The following PLB1 variants were observed in gnomAD, a reference collection of about 807,000 sequenced individuals.
PLB1 encodes phospholipase B1.
PLB1 carries 242 observed loss-of-function variants against 227.4 expected under a neutral mutation model. The observed-to-expected ratio is 1.06, with a 90% CI of 0.96 to 1.18. The LOEUF (loss-of-function observed/expected upper bound fraction) is 1.18. PLB1 is among the 50% of genes most tolerant of loss of function. The pLI is 0.00. For missense variants in PLB1, 1,858 were observed against 1,816.3 expected (o/e 1.02, Z -0.42); for synonymous variants, 757 against 682.2 (o/e 1.11, Z -1.71).
intron 17 of PLB1, among the ~76,000 whole-genome samples, chr2:28,554,976 A>G (rs751510807): frequency 2.4e-4 from 36 of 152,090 alleles, no homozygotes; most frequent in Non-Finnish European, 4.7e-4. Flanking sequence ...CGATCTGACC[A>G]AGGTGAGCAT....
At chr2:28,589,984 T>C (rs752431512) in intron 28 of PLB1, 21 bp from the exon 29 acceptor site, 2 of 1,608,134 alleles carry the variant, frequency 1.2e-6, no homozygotes, top group African/African-American at 2.7e-5. Flanking sequence ...TCACTCCCCA[T>C]CTCCCTGCTT....
At chr2:28,619,510 A>G (rs555352236) in intron 46 of PLB1, among the ~76,000 whole-genome samples, 2 of 143,858 alleles carry the variant, frequency 1.4e-5, no homozygotes, top group South Asian at 4.4e-4. Flanking sequence ...TACTTTTGTA[A>G]ATTTCAAGGT....
At chr2:28,529,235 A>T in intron 6 of PLB1, 82 bp from the exon 7 acceptor site, 2 of 926,904 alleles carry the variant, frequency 2.2e-6, no homozygotes, top group Non-Finnish European at 3.5e-6. Flanking sequence ...ATGAGCCACC[A>T]CTCCTGGCAG....
intron 20 of PLB1, among the ~76,000 whole-genome samples, chr2:28,572,395 C>T (rs1459562206): frequency 6.6e-6 from 1 of 152,148 alleles, no homozygotes. Flanking sequence ...AGAGTTTAAC[C>T]TTTTCCACTC....
At chr2:28,561,422 G>C (rs1380495386) in intron 17 of PLB1, among the ~76,000 whole-genome samples, 1 of 152,134 alleles carries the variant, frequency 6.6e-6, no homozygotes, top group Non-Finnish European at 1.5e-5. Flanking sequence ...CCACTCTCAG[G>C]TGTATACCAA....
chr2:28,517,186 G>T (rs1388008929), intron 2 of PLB1, among the ~76,000 whole-genome samples: 1 of 152,196 alleles, frequency 6.6e-6, no homozygotes, highest in Non-Finnish European at 1.5e-5. Flanking sequence ...ATCTGGGTGA[G>T]GTCTTCCCAG....
At chr2:28,604,923 G>A (rs913989485) in intron 41 of PLB1, among the ~76,000 whole-genome samples, 164 bp downstream of exon 41, 2 of 152,220 alleles carry the variant, frequency 1.3e-5, no homozygotes, top group Non-Finnish European at 2.9e-5. Flanking sequence ...ACATCCGTAT[G>A]TGCGAGGCTC....
At chr2:28,582,776 A>G (rs1469134012) in intron 25 of PLB1, among the ~76,000 whole-genome samples, 4 of 152,146 alleles carry the variant, frequency 2.6e-5, no homozygotes, top group African/African-American at 4.8e-5. Flanking sequence ...CCAGGCCTCC[A>G]GAGGGAAGAG....
intron 4 of PLB1, among the ~76,000 whole-genome samples, chr2:28,522,810 T>A (rs1669698490): frequency 6.6e-6 from 1 of 152,146 alleles, no homozygotes; most frequent in African/African-American, 2.4e-5. Flanking sequence ...AACTTCAGGA[T>A]AAAAACCTGA....
Position 28,614,050 on chromosome 2 carries a change from C to A in PLB1, c.3149C>A (p.Thr1050Asn). The A allele has an allele frequency of 6.2e-7, 1 of 1,612,834 alleles. No homozygotes were observed. The highest frequency in any genetic ancestry group is 8.5e-7 in the Non-Finnish European group (1 of 1,178,986). ...TCTTAGAATGAGCCCTTCCTGAGAA[C>A]CCCTCGGAATAGTAACTACACGTAC... ...CPTQNEPFLR[T>N]PRNSNYTYPI... The change falls in exon 44 of 58, where the codon ACC becomes AAC. Residue 1050 changes from threonine (T) to asparagine (N), a missense_variant. Transcript: ENST00000327757.
intron 17 of PLB1, among the ~76,000 whole-genome samples, chr2:28,556,704 T>C (rs1317343700): frequency 6.6e-6 from 1 of 152,214 alleles, no homozygotes; most frequent in Non-Finnish European, 1.5e-5. Flanking sequence ...ACATGGCTTA[T>C]TGACTTTCTG....
intron 17 of PLB1, among the ~76,000 whole-genome samples, chr2:28,557,919 C>A (rs1179197532): frequency 1.3e-5 from 2 of 152,144 alleles, no homozygotes; most frequent in Non-Finnish European, 2.9e-5. Context: ...TCTATCTTAA[C>A]AATAAGATCA....
chr2:28,612,273 T>C (rs948502715), intron 43 of PLB1, among the ~76,000 whole-genome samples: 2 of 152,206 alleles, frequency 1.3e-5, no homozygotes. Flanking sequence ...GAGAGCTCTG[T>C]GTGGGTGGAC....
intron 34 of PLB1, 133 bp downstream of exon 34, chr2:28,598,181 G>A (rs905597999): frequency 2.4e-5 from 18 of 761,590 alleles, no homozygotes; most frequent in African/African-American, 2.3e-4. Context: ...GGAGACAGGA[G>A]GCTATGAAAA....
rs1682015517 is a variant in PLB1 at position 28,591,874 on chromosome 2, T to C, written c.2188+114T>C. The C allele has an allele frequency of 2.8e-6, 3 of 1,077,204 alleles. No individual in the cohort carries two copies. In the South Asian group the frequency reaches 4.0e-5, roughly 14 times the overall value. The allele number at this position is 1,077,204 out of a possible 1,614,324, so 66.7% of individuals were successfully genotyped here. On this transcript the variant is annotated intron_variant, in intron 31 of 57. Transcript: ENST00000327757. ...TAAATGGCACAGTGACGGCCAGTGC[T>C]TGCTGTCTGCCTGGGTGGTCACCTG...
intron 1 of PLB1, among the ~76,000 whole-genome samples, chr2:28,511,057 A>G (rs1397992312): frequency 2.0e-5 from 3 of 152,172 alleles, no homozygotes; most frequent in African/African-American, 4.8e-5. Flanking sequence ...AAGTGATAAC[A>G]TGCACCCTTG....
intron 34 of PLB1, 90 bp from the exon 35 acceptor site, chr2:28,598,562 C>T: frequency 1.0e-6 from 1 of 991,336 alleles, no homozygotes; most frequent in South Asian, 1.3e-5. Context: ...TAACACAGCC[C>T]ACTTTGGGGA....
chr2:28,541,897 CCGAGG>C, intron 13 of PLB1, 86 bp downstream of exon 13: 2 of 1,083,532 alleles, frequency 1.8e-6, no homozygotes, highest in Non-Finnish European at 2.8e-6. Context: ...CTTTGGGAGG[CCGAGG>C]TGGGTGGATT....
chr2:28,500,940 C>A (rs979199999), intron 1 of PLB1, among the ~76,000 whole-genome samples: 1 of 151,984 alleles, frequency 6.6e-6, no homozygotes, highest in East Asian at 1.9e-4. Flanking sequence ...CAAGATTTTC[C>A]CTGCTAACCT....
Sources: gnomAD v4.1 joint callset for allele counts (sites outside exome capture counted in the v4.1 genomes callset) on GRCh38, gnomAD v4.1.1 for gene constraint, MANE v1.5 for transcripts, NCBI Gene and HGNC (gene_info 2026-07-23, HGNC 2026-07-21) for gene names.